The following LRP1B variants were observed in gnomAD, a reference collection of about 807,000 sequenced individuals.
The protein encoded by LRP1B is LDL receptor related protein 1B, also known as low-density lipoprotein receptor-related protein 1B.
Under a neutral mutation model 556.6 loss-of-function variants are expected in LRP1B, and 217 were observed. The ratio of observed to expected loss-of-function variants is 0.39; its 90% CI spans 0.35 to 0.44. The LOEUF (loss-of-function observed/expected upper bound fraction) is 0.44. LRP1B is among the 20% of genes least tolerant of loss of function. LRP1B has a pLI of 1.00. For synonymous variants in LRP1B, 2,047 were observed against 1,865.8 expected (o/e 1.10, Z -2.50); for missense variants, 5,053 against 5,620.8 (o/e 0.90, Z 3.23).
intron 1 of LRP1B, among the ~76,000 whole-genome samples, chr2:141,905,488 G>T (rs1477863078): frequency 1.3e-5 from 2 of 151,528 alleles, no homozygotes; most frequent in African/African-American, 4.8e-5. Flanking sequence ...CTAGTCAGCT[G>T]CTTTGGTGCA....
chr2:140,267,018 C>T (rs918097112), intron 86 of LRP1B, among the ~76,000 whole-genome samples: 1 of 151,836 alleles, frequency 6.6e-6, no homozygotes, highest in African/African-American at 2.4e-5. Flanking sequence ...TCTCAGACAT[C>T]CACCCCTTCC....
chr2:140,889,268 T>C (rs967660777), intron 23 of LRP1B, among the ~76,000 whole-genome samples: 2 of 152,162 alleles, frequency 1.3e-5, no homozygotes, highest in South Asian at 2.1e-4. Flanking sequence ...ACATCACACA[T>C]GGAGTGCTTC....
chr2:140,851,865 C>T (rs1239832520), intron 27 of LRP1B, 82 bp from the exon 28 acceptor site: 6 of 1,327,798 alleles, frequency 4.5e-6, no homozygotes, highest in South Asian at 1.6e-5. Context: ...GGTTATTCAC[C>T]TAATGATTCA....
At chr2:140,873,549 CAGTT>C (rs1275898602) in intron 25 of LRP1B, among the ~76,000 whole-genome samples, 1 of 151,966 alleles carries the variant, frequency 6.6e-6, no homozygotes, top group African/African-American at 2.4e-5. Flanking sequence ...AGGATGGAGC[CAGTT>C]AGTTCAGATA....
intron 43 of LRP1B, among the ~76,000 whole-genome samples, chr2:140,566,715 T>A (rs1326207663): frequency 2.0e-5 from 3 of 152,090 alleles, no homozygotes. Flanking sequence ...AGGGAAACTG[T>A]TCCTTGGCCT....
At chr2:140,320,153 C>A (rs1249464502) in intron 82 of LRP1B, among the ~76,000 whole-genome samples, 4 of 152,136 alleles carry the variant, frequency 2.6e-5, no homozygotes, top group Non-Finnish European at 4.4e-5. Flanking sequence ...GAAATTCTGA[C>A]TGATCCCCTA....
intron 7 of LRP1B, among the ~76,000 whole-genome samples, chr2:141,135,440 T>C (rs72976018): frequency 0.052 from 7,848 of 151,986 alleles, 639 homozygotes; most frequent in African/African-American, 0.18. Flanking sequence ...CTGAAAACAA[T>C]GAAGCAAAAG....
In LRP1B at chr2:140,850,201, C is replaced by A. The variant is rs762458785; in HGVS notation, c.4840G>T (p.Asp1614Tyr). 1 of 1,613,128 alleles carries A rather than the reference C, an allele frequency of 6.2e-7. No homozygotes were observed. The highest frequency in any genetic ancestry group is 8.5e-7 in the Non-Finnish European group (1 of 1,179,256). The change falls in exon 29 of 91, where the codon GAT (aspartate) becomes TAT (tyrosine). Residue 1614 changes from aspartate to tyrosine, a missense_variant. This residue lies in a region of LRP1B where 3,619 missense variants were observed against 3,931.9 expected (regional missense o/e 0.92). Coordinates refer to ENST00000389484, the MANE Select transcript of LRP1B (RefSeq NM_018557.3). The stretch of plus-strand genomic sequence containing the variant: ...CAGTATAAACGTTCCTCAGATGCAT[C>A]GAAGTCTATCACAGTAACGTCATCA... ...DIDDVTVIDF[D>Y]ASEERLYWTD...
In LRP1B at chr2:140,994,017, G is replaced by C. The variant is rs775728525; in HGVS notation, c.2622C>G (p.Ser874Arg). The change falls in exon 16 of 91, where the codon AGC (serine) becomes AGG (arginine). Residue 874 changes from serine to arginine, a missense_variant. Transcript: ENST00000389484. ...TACAGCAGTTTACTGAATCCTCATC[G>C]CTTCCGTCTAGGCAGTCATCGTCGC... is the stretch of plus-strand genomic sequence containing the variant. ...CDGDDDCLDG[S>R]DEDSVNCFNH... is the part of the protein sequence containing the mutation. 1 of 1,612,252 alleles carries C rather than the reference G, an allele frequency of 6.2e-7. No homozygotes were observed. Among genetic ancestry groups the C allele is most frequent in the African/African-American group, 1.3e-5 (1 of 74,778 alleles).
At chr2:140,496,202 T>G (rs570003411) in intron 55 of LRP1B, among the ~76,000 whole-genome samples, 3 of 152,138 alleles carry the variant, frequency 2.0e-5, no homozygotes, top group Non-Finnish European at 4.4e-5. Context: ...AATGTAGATA[T>G]TATTAGGTTG....
At chr2:141,685,532 A>C (rs1691263550) in intron 2 of LRP1B, among the ~76,000 whole-genome samples, 1 of 152,060 alleles carries the variant, frequency 6.6e-6, no homozygotes, top group Admixed American at 6.6e-5. Flanking sequence ...TGTGAATGTT[A>C]CCTTAATGGT....
At position 140,748,828 on chromosome 2, in the gene LRP1B, C is replaced by CATGTATATAATATATATGAT. The variant is rs1688466874; in HGVS notation, c.5758+20384_5758+20385insATCATATATATTATATACAT. Among the ~76,000 whole-genome samples, 28 of 79,494 alleles carry CATGTATATAATATATATGAT rather than the reference C, an allele frequency of 3.5e-4. 2 individuals carry two copies. The highest frequency in any genetic ancestry group is 5.7e-4 in the Admixed American group (4 of 7,052). The allele number at this position is 79,494 out of a possible 152,430, so 52.2% of individuals were successfully genotyped here. ...TTATATACATGTATATAATATATATCATATATTATATACATGTATATAATA... is the reference window on the plus strand; with the variant it reads ...TTATATACATGTATATAATATATATCATGTATATAATATATATGATATATATTATATACATGTATATAATA... On this transcript the variant is annotated intron_variant, in intron 35 of 90. Coordinates refer to ENST00000389484, the MANE Select transcript of LRP1B (RefSeq NM_018557.3).
intron 11 of LRP1B, among the ~76,000 whole-genome samples, chr2:141,042,706 A>T (rs1184387479): frequency 6.6e-6 from 1 of 152,104 alleles, no homozygotes; most frequent in Middle Eastern, 3.2e-3. Context: ...GGGACAATGA[A>T]CATAACGTGA....
intron 25 of LRP1B, among the ~76,000 whole-genome samples, chr2:140,872,771 T>A (rs576206053): frequency 1.3e-5 from 2 of 151,938 alleles, no homozygotes; most frequent in Admixed American, 1.3e-4. Flanking sequence ...TTTCCTTTAA[T>A]ATGAAAAATT....
intron 84 of LRP1B, among the ~76,000 whole-genome samples, chr2:140,280,339 TTTG>T (rs1302962418): frequency 4.0e-5 from 6 of 151,500 alleles, no homozygotes; most frequent in African/African-American, 9.7e-5. Flanking sequence ...GATAAAAGAT[TTTG>T]TTGTTGTGGG....
chr2:141,366,680 C>G (rs753471822), intron 3 of LRP1B, among the ~76,000 whole-genome samples: 3 of 152,130 alleles, frequency 2.0e-5, no homozygotes, highest in African/African-American at 4.8e-5. Context: ...ACAAATTTAG[C>G]CATTCTTAAG....
chr2:140,354,160 T>G (rs1179638693), intron 75 of LRP1B, among the ~76,000 whole-genome samples: 1 of 152,100 alleles, frequency 6.6e-6, no homozygotes, highest in Non-Finnish European at 1.5e-5. Flanking sequence ...TGCCTCATTT[T>G]ATCACTTATA....
intron 2 of LRP1B, among the ~76,000 whole-genome samples, chr2:141,520,871 A>G (rs1283629765): frequency 2.0e-5 from 3 of 152,078 alleles, no homozygotes; most frequent in African/African-American, 7.2e-5. Flanking sequence ...AAAGCAGGTC[A>G]GTGTGCTGGT....
At chr2:140,590,681 A>G (rs1425213206) in intron 43 of LRP1B, among the ~76,000 whole-genome samples, 7 of 152,000 alleles carry the variant, frequency 4.6e-5, no homozygotes, top group Non-Finnish European at 7.4e-5. Flanking sequence ...GCCCTCACCA[A>G]CCTGACTATG....
Sources: allele counts gnomAD v4.1 joint callset (sites outside exome capture counted in the v4.1 genomes callset), GRCh38; gene constraint gnomAD v4.1.1; regional missense constraint gnomAD v4.1.1; transcripts MANE v1.5; gene names NCBI Gene and HGNC (gene_info 2026-07-23, HGNC 2026-07-21).